TEDC1: variants seen among roughly 807,000 people sequenced by gnomAD.
TEDC1 encodes tubulin epsilon and delta complex 1, also known as tubulin epsilon and delta complex protein 1.
Under a neutral mutation model 59.9 loss-of-function variants are expected in TEDC1, and 54 were observed. The observed-to-expected ratio is 0.90, with a 90% CI of 0.72 to 1.13. The LOEUF (loss-of-function observed/expected upper bound fraction) is 1.13. TEDC1 is among the 50% of genes most tolerant of loss of function. The pLI is 0.00. For missense variants in TEDC1, 734 were observed against 683.4 expected, an observed-to-expected ratio of 1.07 and a Z score of -0.83; for synonymous variants, 353 against 298.1, an observed-to-expected ratio of 1.18 and a Z score of -1.90.
rs1555439964 is a variant in TEDC1 at position 105,493,831 on chromosome 14, T to A, written c.586-4T>A. The A allele has an allele frequency of 6.2e-7, 1 of 1,605,416 alleles. No individual in the cohort carries two copies. The highest frequency in any genetic ancestry group is 1.3e-5 in the African/African-American group (1 of 74,740). On this transcript the variant is annotated splice_region_variant and splice_polypyrimidine_tract_variant and intron_variant, in intron 4 of 8. Transcript: ENST00000392523. ...CAGCCTGGGGTCTGCACTACCTGTTTTAGATCCACCTGTACACACGCGGCT... is the reference window on the plus strand; with the variant it reads ...CAGCCTGGGGTCTGCACTACCTGTTATAGATCCACCTGTACACACGCGGCT...
rs1292181122 is a variant in TEDC1, at chr14:105,492,602, C to T, written c.453C>T (p.Gly151=). ...AGTGTGAGGCCCTGGCCAGCCCTGG[C>T]CCACCTGCACCCCACATGGAAGCAG... The part of the protein sequence containing the change: ...VCQCEALASP[G]PPAPHMEAEG... Residue 151 remains glycine (G), a synonymous_variant, in exon 4 of 9, where the codon GGC becomes GGT. Coordinates refer to ENST00000392523, the MANE Select transcript of TEDC1 (RefSeq NM_001367178.1). 13 of 1,540,478 alleles carry T rather than the reference C, an allele frequency of 8.4e-6. No individual in the cohort carries two copies. The highest frequency in any genetic ancestry group is 2.7e-5 in the African/African-American group (2 of 73,042).
Position 105,498,875 on chromosome 14 carries a change from T to G in TEDC1, c.1417T>G (p.Cys473Gly), listed in dbSNP as rs587610951. Residue 473 changes from cysteine to glycine, a missense_variant, in exon 9 of 9, where the codon TGT (cysteine) becomes GGT (glycine). Cys to Gly is a radical substitution (Grantham distance 159, BLOSUM62 -3). Transcript: ENST00000392523. ...GGTGCTACGTCGACTACAGGGACAGTGTCGGCAGGAACTGGCCAGGCTGGT... is the reference window on the plus strand; with the variant it reads ...GGTGCTACGTCGACTACAGGGACAGGGTCGGCAGGAACTGGCCAGGCTGGT... ...EAVLRRLQGQ[C>G]RQELARLVGA... 1.2e-6 allele frequency: 2 copies of G among 1,611,940 alleles called. No homozygotes were observed. The highest frequency in any genetic ancestry group is 3.3e-5 in the Admixed American group (2 of 59,952).
chr14:105,497,755 T>C (rs1455301884), intron 7 of TEDC1, 43 bp from the exon 8 acceptor site: 3 of 1,486,860 alleles, frequency 2.0e-6, no homozygotes, highest in African/African-American at 1.4e-5. Flanking sequence ...TGTCCCTCTG[T>C]CCCCTTGGCT....
At chr14:105,491,109 G>A (rs76864584), upstream of TEDC1, 13,227 of 1,551,348 alleles carry the variant, frequency 8.5e-3, 970 homozygotes, top group African/African-American at 0.16. Flanking sequence ...ATGCATGTCC[G>A]GCCAGCGCGG....
At position 105,498,601 on chromosome 14, in the gene TEDC1, A is replaced by C. The variant is rs1045311711; in HGVS notation, c.1159-16A>C. On this transcript the variant is annotated splice_polypyrimidine_tract_variant and intron_variant, in intron 8 of 8. Transcript: ENST00000392523. ...GTCCTGGGGGGACAGAGCCATTGCC[A>C]TTGTGTCCCACGCAGGCTGGAGGCT... 1.7e-5 allele frequency: 26 copies of C among 1,521,702 alleles called. No homozygotes were observed. Among genetic ancestry groups the C allele is most frequent in the Non-Finnish European group, 2.3e-5 (26 of 1,130,804 alleles). The allele number at this position is 1,521,702 out of a possible 1,614,324, so 94.3% of individuals were successfully genotyped here.
chr14:105,494,589 T>C (rs1595474424), intron 5 of TEDC1: 1 of 152,808 alleles, frequency 6.5e-6, no homozygotes, highest in African/African-American at 2.4e-5. Flanking sequence ...CTGGATAGCA[T>C]AGACCTGGAG....
chr14:105,491,626 C>T lies in TEDC1; in HGVS notation c.152C>T (p.Ser51Phe), dbSNP rs1595469104. The stretch of plus-strand genomic sequence containing the variant: ...CCCGCTTTTTATTTTCCGCAGACCT[C>T]CGCGCTCTGGCAGCTCCTCTTCCGT... ...RAKFDRPEAT[S>F]ALWQLLFRVL... is the part of the protein sequence containing the mutation. The change falls in exon 2 of 9, where the codon TCC (serine) becomes TTC (phenylalanine). Residue 51 changes from serine (S) to phenylalanine (F), a missense_variant. By Grantham distance (155) the Ser-to-Phe change is radical. Coordinates refer to ENST00000392523, the MANE Select transcript of TEDC1 (RefSeq NM_001367178.1). The T allele has an allele frequency of 6.5e-7, 1 of 1,549,698 alleles. No homozygotes were observed. The highest frequency in any genetic ancestry group is 8.7e-7 in the Non-Finnish European group (1 of 1,146,804).
chr14:105,496,881 G>T, intron 6 of TEDC1: 1 of 211,446 alleles, frequency 4.7e-6, no homozygotes. Flanking sequence ...ACAGGGGATG[G>T]GTTTTCCCTC....
rs988549857 is a variant in TEDC1, at chr14:105,499,153, C to T, written c.*207C>T. ...AGCACTGGGGACAGGAATGGCTGGTCCCTTGAGGAGGTCGTGACAGGCTCA... is the reference window on the plus strand; with the variant it reads ...AGCACTGGGGACAGGAATGGCTGGTTCCTTGAGGAGGTCGTGACAGGCTCA... On this transcript the variant is annotated 3_prime_UTR_variant, in exon 9 of 9. Coordinates refer to ENST00000392523, the MANE Select transcript of TEDC1 (RefSeq NM_001367178.1). The T allele has an allele frequency of 1.3e-5, 8 of 611,482 alleles. No individual in the cohort carries two copies. Among genetic ancestry groups the T allele is most frequent in the Non-Finnish European group, 2.3e-5 (8 of 350,448 alleles). 37.9% of individuals were successfully genotyped at this position (611,482 alleles called of 1,614,324 possible).
At position 105,491,654 on chromosome 14, in the gene TEDC1, G is replaced by T. The variant is rs782368856; in HGVS notation, c.180G>T (p.Val60=). 4.5e-6 allele frequency: 7 copies of T among 1,549,664 alleles called. No individual in the cohort carries two copies. In the South Asian group the frequency reaches 8.3e-5, roughly 18 times the overall value. The change falls in exon 2 of 9, where the codon GTG becomes GTT. Residue 60 remains valine, a synonymous_variant. Transcript: ENST00000392523. ...CGCTCTGGCAGCTCCTCTTCCGTGT[G>T]CTCTCGCCACTCCCTGCGGGCAACG... is the stretch of plus-strand genomic sequence containing the variant. ...TSALWQLLFR[V]LSPLPAGNAL... is the part of the protein sequence containing the mutation.
intron 2 of TEDC1, 65 bp from the exon 3 acceptor site, chr14:105,492,042 G>A (rs2084226095): frequency 1.3e-6 from 2 of 1,497,944 alleles, no homozygotes; most frequent in African/African-American, 2.8e-5. Context: ...GGGGTCTCTG[G>A]AGGGATCCAG....
chr14:105,497,424 T>C lies in TEDC1; in HGVS notation c.959T>C (p.Leu320Pro). The change falls in exon 7 of 9, where the codon CTG (leucine) becomes CCG (proline). Residue 320 changes from leucine to proline, a missense_variant. Physicochemically the swap from Leu to Pro is moderately conservative, Grantham distance 98 (BLOSUM62 -3). Transcript: ENST00000392523. Reference sequence around the variant, plus strand: ...GTCCTGGCGTGGCGGCGCTCTGAGCTGGTCTTCTGGCGGTGGATGGTGAGG... The same window carrying C: ...GTCCTGGCGTGGCGGCGCTCTGAGCCGGTCTTCTGGCGGTGGATGGTGAGG... ...EAVLAWRRSE[L>P]VFWRWMDTVL... The C allele has an allele frequency of 6.5e-7, 1 of 1,549,738 alleles. No homozygotes were observed. The highest frequency in any genetic ancestry group is 8.7e-7 in the Non-Finnish European group (1 of 1,148,516).
chr14:105,498,478 C>G, intron 8 of TEDC1, 139 bp from the exon 9 acceptor site: 1 of 954,018 alleles, frequency 1.0e-6, no homozygotes. Flanking sequence ...TTAAAATTTT[C>G]AGTAAGCCTC....
In TEDC1 at chr14:105,495,912, C is replaced by T. The variant is rs1555440341; in HGVS notation, c.717C>T (p.Asp239=). Residue 239 remains aspartate (D), a synonymous_variant, in exon 6 of 9, where the codon GAC becomes GAT. Coordinates refer to ENST00000392523, the MANE Select transcript of TEDC1 (RefSeq NM_001367178.1). Reference sequence around the variant, plus strand: ...GAGCGGGAGCTGCCCAAAACCTGGACCTGGCCTACCCAAAGTGCCTGCACT... The same window carrying T: ...GAGCGGGAGCTGCCCAAAACCTGGATCTGGCCTACCCAAAGTGCCTGCACT... ...VSGAGAAQNL[D]LAYPKCLHSF... is the part of the protein sequence containing the mutation. 2.6e-6 allele frequency: 4 copies of T among 1,550,294 alleles called. No individual in the cohort carries two copies. Among genetic ancestry groups the T allele is most frequent in the Non-Finnish European group, 2.6e-6 (3 of 1,146,902 alleles).
chr14:105,495,631 C>G (rs1369795594), intron 5 of TEDC1: 3 of 483,498 alleles, frequency 6.2e-6, no homozygotes, highest in Non-Finnish European at 1.1e-5. Context: ...TCCGGGCGTC[C>G]TGGTCTGCCC....
intron 4 of TEDC1, 125 bp downstream of exon 4, chr14:105,492,859 C>T (rs1230075391): frequency 3.0e-6 from 4 of 1,312,938 alleles, no homozygotes; most frequent in African/African-American, 3.0e-5. Context: ...GGCCTTCCTG[C>T]CCTGGCTTAC....
At position 105,497,964 on chromosome 14, in the gene TEDC1, C is replaced by T. The variant is rs1364975434; in HGVS notation, c.1145C>T (p.Ala382Val). The T allele has an allele frequency of 1.3e-6, 2 of 1,531,018 alleles. No individual in the cohort carries two copies. Among genetic ancestry groups the T allele is most frequent in the African/African-American group, 1.4e-5 (1 of 72,778 alleles). The allele number at this position is 1,531,018 out of a possible 1,614,324, so 94.8% of individuals were successfully genotyped here. A position where few individuals can be genotyped will look rare whatever the true frequency, so the allele number is the denominator to read the frequency against. ...GAGGCTGCGGAGCGCAGGCGGGCGG[C>T]CTGGGAGGCCAAGGTGAGTGCCAGC... is the stretch of plus-strand genomic sequence containing the variant. Reference protein sequence around the residue: ...LREAAERRRAAWEAKAGGCGR... With the variant: ...LREAAERRRAVWEAKAGGCGR... The change falls in exon 8 of 9, where the codon GCC (alanine) becomes GTC (valine). Residue 382 changes from alanine to valine, a missense_variant. Coordinates refer to ENST00000392523, the MANE Select transcript of TEDC1 (RefSeq NM_001367178.1).
At chr14:105,497,683 T>G (rs1293954148) in intron 7 of TEDC1, 115 bp from the exon 8 acceptor site, 1 of 1,327,146 alleles carries the variant, frequency 7.5e-7, no homozygotes, top group East Asian at 2.5e-5. Flanking sequence ...TCACAGTTGC[T>G]GAGATGGTGG....
chr14:105,493,104 G>A (rs1268170817), intron 4 of TEDC1, among the ~76,000 whole-genome samples: 3 of 152,258 alleles, frequency 2.0e-5, no homozygotes, highest in African/African-American at 4.8e-5. Context: ...AGCTCCTGTT[G>A]CCACCACATC....
Sources: allele counts gnomAD v4.1 joint callset (sites outside exome capture counted in the v4.1 genomes callset), GRCh38; gene constraint gnomAD v4.1.1; transcripts MANE v1.5; gene names NCBI Gene and HGNC (gene_info 2026-07-23, HGNC 2026-07-21).